XKR9: variants seen among roughly 807,000 people sequenced by gnomAD.
XKR9 encodes the protein XK related 9.
Under a neutral mutation model 32.0 loss-of-function variants are expected in XKR9, and 32 were observed. The observed-to-expected ratio is 1.00, with a 90% CI of 0.76 to 1.34. The LOEUF (loss-of-function observed/expected upper bound fraction) is 1.34. XKR9 is among the 40% of genes most tolerant of loss of function. The pLI is 0.00. For synonymous variants in XKR9, 168 were observed against 143.4 expected, an observed-to-expected ratio of 1.17 and a Z score of -1.22; for missense variants, 546 against 429.7, an observed-to-expected ratio of 1.27 and a Z score of -2.39.
At chr8:70,811,795 A>C in the XKR9 span, among the ~76,000 whole-genome samples, 1 of 152,108 alleles carries the variant, frequency 6.6e-6, no homozygotes, top group Non-Finnish European at 1.5e-5. Context: ...TGTGGCAATA[A>C]TCAATAGCTT....
the XKR9 span, among the ~76,000 whole-genome samples, chr8:70,898,804 A>G: frequency 6.6e-6 from 1 of 152,014 alleles, no homozygotes. Flanking sequence ...ATAGAACTCA[A>G]TAGTTCTTTT....
At chr8:71,037,916 A>G in the XKR9 span, among the ~76,000 whole-genome samples, 6 of 152,176 alleles carry the variant, frequency 3.9e-5, no homozygotes, top group Admixed American at 3.9e-4. Context: ...TAAAACTCAC[A>G]TCTGTCTTTG....
intron 2 of XKR9, among the ~76,000 whole-genome samples, chr8:70,764,934 A>G (rs558580087): frequency 8.5e-5 from 13 of 152,302 alleles, no homozygotes; most frequent in East Asian, 1.9e-4. Context: ...TTCTTTTTCT[A>G]TGGCTGAATA....
chr8:70,900,399 G>A, the XKR9 span, among the ~76,000 whole-genome samples: 1 of 152,034 alleles, frequency 6.6e-6, no homozygotes, highest in Non-Finnish European at 1.5e-5. Flanking sequence ...AGACCAGCCT[G>A]GCTAACATGG....
chr8:71,011,746 C>T, the XKR9 span, among the ~76,000 whole-genome samples: 1 of 152,118 alleles, frequency 6.6e-6, no homozygotes, highest in African/African-American at 2.4e-5. Context: ...CATGCCTCAA[C>T]CTGGGATTTA....
the XKR9 span, among the ~76,000 whole-genome samples, chr8:70,899,628 G>A: frequency 2.1e-4 from 32 of 151,994 alleles, no homozygotes; most frequent in African/African-American, 7.0e-4. Flanking sequence ...CCCTATAGTT[G>A]CTTTTTAATT....
At chr8:70,970,997 A>G in the XKR9 span, among the ~76,000 whole-genome samples, 2 of 152,220 alleles carry the variant, frequency 1.3e-5, no homozygotes, top group African/African-American at 2.4e-5. Context: ...ATAAAGACAC[A>G]TGCACATGTA....
At chr8:70,753,731 ACT>A (rs1486063411) in intron 2 of XKR9, among the ~76,000 whole-genome samples, 4 of 151,648 alleles carry the variant, frequency 2.6e-5, no homozygotes, top group African/African-American at 4.8e-5. Context: ...CATGCTAAAA[ACT>A]CTCAATAAAT....
At chr8:70,939,851 CA>C in the XKR9 span, among the ~76,000 whole-genome samples, 1 of 152,140 alleles carries the variant, frequency 6.6e-6, no homozygotes, top group South Asian at 2.1e-4. Context: ...AGAACAAAAA[CA>C]TTTTTTTGGT....
chr8:70,694,271 T>C (rs1373375907), intron 3 of XKR9, among the ~76,000 whole-genome samples: 1 of 152,124 alleles, frequency 6.6e-6, no homozygotes, highest in East Asian at 1.9e-4. Context: ...TCTGGCCACA[T>C]TTTAGTAGAG....
At chr8:70,900,312 T>A in the XKR9 span, among the ~76,000 whole-genome samples, 1 of 152,066 alleles carries the variant, frequency 6.6e-6, no homozygotes. Flanking sequence ...AACTCCACGC[T>A]GGGTGCAGTG....
chr8:70,705,688 T>C (rs981230095), intron 3 of XKR9, among the ~76,000 whole-genome samples: 1 of 152,148 alleles, frequency 6.6e-6, no homozygotes, highest in East Asian at 1.9e-4. Flanking sequence ...GGACTTCGGA[T>C]TTCGTTCTAA....
chr8:71,014,051 A>T, the XKR9 span, among the ~76,000 whole-genome samples: 127 of 152,034 alleles, frequency 8.4e-4, no homozygotes, highest in African/African-American at 2.9e-3. Context: ...TTTGTCGCAA[A>T]TTTGGGTTAT....
At chr8:70,938,702 T>TG in the XKR9 span, among the ~76,000 whole-genome samples, 1 of 152,032 alleles carries the variant, frequency 6.6e-6, no homozygotes, top group South Asian at 2.1e-4. Flanking sequence ...CGCTGGCCGT[T>TG]TAGTAACAGG....
chr8:70,808,419 C>T, the XKR9 span, among the ~76,000 whole-genome samples: 2 of 152,142 alleles, frequency 1.3e-5, no homozygotes, highest in African/African-American at 2.4e-5. Context: ...GTACTGGGTT[C>T]ATCTCACTGG....
the XKR9 span, among the ~76,000 whole-genome samples, chr8:70,848,637 C>T: frequency 6.6e-6 from 1 of 151,710 alleles, no homozygotes; most frequent in Non-Finnish European, 1.5e-5. Flanking sequence ...TTAAAAGACA[C>T]AGACTGGCAA....
the XKR9 span, among the ~76,000 whole-genome samples, chr8:70,806,552 C>T: frequency 1.3e-5 from 2 of 152,130 alleles, no homozygotes; most frequent in Non-Finnish European, 2.9e-5. Context: ...ACTAGAATAT[C>T]CAGTTTAGAG....
At chr8:71,015,916 C>G in the XKR9 span, among the ~76,000 whole-genome samples, 2 of 152,078 alleles carry the variant, frequency 1.3e-5, no homozygotes, top group Non-Finnish European at 2.9e-5. Context: ...CATCTGTTTA[C>G]TATATAGAAA....
the XKR9 span, among the ~76,000 whole-genome samples, chr8:71,063,373 G>C: frequency 2.0e-5 from 3 of 152,250 alleles, no homozygotes; most frequent in South Asian, 2.1e-4. Flanking sequence ...AGGTAGGGGA[G>C]AGCCTCCACT....
Sources: allele counts gnomAD v4.1 joint callset (sites outside exome capture counted in the v4.1 genomes callset), GRCh38; gene constraint gnomAD v4.1.1; transcripts MANE v1.5; gene names NCBI Gene and HGNC (gene_info 2026-07-23, HGNC 2026-07-21).